SOWAHA: variants seen among roughly 807,000 people sequenced by gnomAD.
SOWAHA encodes the protein ankyrin repeat domain-containing protein SOWAHA.
SOWAHA carries 17 observed loss-of-function variants against 21.1 expected under a neutral mutation model. That is an observed-to-expected ratio of 0.80 (90% confidence interval 0.55 to 1.21). SOWAHA has a LOEUF of 1.21. SOWAHA is among the 50% of genes most tolerant of loss of function. The pLI, the probability that SOWAHA is intolerant of heterozygous loss-of-function variation, is 0.00. For synonymous variants in SOWAHA, 422 were observed against 397.1 expected (o/e 1.06, Z -0.75); for missense variants, 862 against 816.0 (o/e 1.06, Z -0.69).
Position 132,815,148 on chromosome 5 carries a change from G to T in SOWAHA, c.1527G>T (p.Ser509=). 6.2e-7 allele frequency: 1 copy of T among 1,613,992 alleles called. No homozygotes were observed. The highest frequency in any genetic ancestry group is 8.5e-7 in the Non-Finnish European group (1 of 1,180,032). ...CCTTCAGCAAGTTCTTGAGCGCCTC[G>T]CCCATGGCTCCACGTAAAAAGACAA... ...SSSFSKFLSA[S]PMAPRKKTKI... is the part of the protein sequence containing the mutation. The change falls in exon 1 of 1, where the codon TCG becomes TCT. Residue 509 remains serine, a synonymous_variant. Coordinates refer to ENST00000378693, the MANE Select transcript of SOWAHA (RefSeq NM_175873.6).
Position 132,813,562 on chromosome 5 carries a change from C to T in SOWAHA, c.-60C>T. The T allele has an allele frequency of 9.0e-7, 1 of 1,112,046 alleles. No homozygotes were observed. The highest frequency in any genetic ancestry group is 1.1e-6 in the Non-Finnish European group (1 of 902,060). 68.9% of individuals were successfully genotyped at this position (1,112,046 alleles called of 1,614,324 possible). A position where few individuals can be genotyped will look rare whatever the true frequency, so the allele number is the denominator to read the frequency against. On this transcript the variant is annotated 5_prime_UTR_variant, in exon 1 of 1. Coordinates refer to ENST00000378693, the MANE Select transcript of SOWAHA (RefSeq NM_175873.6). ...CGCGCCTCCCGGAACCCCGCTCCCG[C>T]GCGTCCCGCGGCGACGCGGCGCCCA... is the stretch of plus-strand genomic sequence containing the variant.
rs766524715 is a variant in SOWAHA at position 132,814,235 on chromosome 5, C to T, written c.614C>T (p.Pro205Leu). The change falls in exon 1 of 1, where the codon CCC (proline) becomes CTC (leucine). Residue 205 changes from proline (P) to leucine (L), a missense_variant. By Grantham distance (98) the Pro-to-Leu change is moderately conservative. Coordinates refer to ENST00000378693, the MANE Select transcript of SOWAHA (RefSeq NM_175873.6). ...GATCCGCCAGACGCGGAGCCCGGGCCCGGGGCAGCGAAAGGGCCGCCGCAG... is the reference window on the plus strand; with the variant it reads ...GATCCGCCAGACGCGGAGCCCGGGCTCGGGGCAGCGAAAGGGCCGCCGCAG... ...CSDPPDAEPG[P>L]GAAKGPPQQK... 6.5e-7 allele frequency: 1 copy of T among 1,545,818 alleles called. No individual in the cohort carries two copies. The highest frequency in any genetic ancestry group is 1.2e-5 in the South Asian group (1 of 85,108).
At position 132,813,558 on chromosome 5, in the gene SOWAHA, C is replaced by A; in HGVS notation, c.-64C>A. On this transcript the variant is annotated 5_prime_UTR_variant, in exon 1 of 1. Coordinates refer to ENST00000378693, the MANE Select transcript of SOWAHA (RefSeq NM_175873.6). ...CGGCCGCGCCTCCCGGAACCCCGCT[C>A]CCGCGCGTCCCGCGGCGACGCGGCG... 4 of 1,097,932 alleles carry A rather than the reference C, an allele frequency of 3.6e-6. No individual in the cohort carries two copies. The highest frequency in any genetic ancestry group is 4.8e-5 in the Admixed American group (1 of 20,682). 68.0% of individuals were successfully genotyped at this position (1,097,932 alleles called of 1,614,324 possible).
At position 132,813,600 on chromosome 5, in the gene SOWAHA, G is replaced by T; in HGVS notation, c.-22G>T. On this transcript the variant is annotated 5_prime_UTR_variant, in exon 1 of 1. Coordinates refer to ENST00000378693, the MANE Select transcript of SOWAHA (RefSeq NM_175873.6). ...GACGCGGCGCCCACCCGCCCCGGGA[G>T]CCAGGAACCCAGGGCCCCACCATGG... 8.1e-7 allele frequency: 1 copy of T among 1,229,816 alleles called. No homozygotes were observed. Among genetic ancestry groups the T allele is most frequent in the South Asian group, 3.6e-5 (1 of 27,748 alleles). 76.2% of individuals were successfully genotyped at this position (1,229,816 alleles called of 1,614,324 possible).
In SOWAHA at chr5:132,813,754, G is replaced by A. The variant is rs1013188144; in HGVS notation, c.133G>A (p.Ala45Thr). The A allele has an allele frequency of 6.5e-7, 1 of 1,547,410 alleles. No individual in the cohort carries two copies. Among genetic ancestry groups the A allele is most frequent in the Non-Finnish European group, 8.7e-7 (1 of 1,145,662 alleles). Residue 45 changes from alanine to threonine, a missense_variant, in exon 1 of 1, where the codon GCC becomes ACC. By Grantham distance (58) the Ala-to-Thr change is moderately conservative. Coordinates refer to ENST00000378693, the MANE Select transcript of SOWAHA (RefSeq NM_175873.6). ...GAGCCGCTTCAAGCCGCTGCTCGAT[G>A]CCGGCGACCCGCGGGGCCGCGCCGC... ...LLSRFKPLLD[A>T]GDPRGRAARR...
Position 132,813,750 on chromosome 5 carries a change from C to G in SOWAHA, c.129C>G (p.Leu43=), listed in dbSNP as rs1461762323. 11 of 1,547,354 alleles carry G rather than the reference C, an allele frequency of 7.1e-6. No homozygotes were observed. Among genetic ancestry groups the G allele is most frequent in the Non-Finnish European group, 8.7e-6 (10 of 1,145,622 alleles). Residue 43 remains leucine (L), a synonymous_variant, in exon 1 of 1, where the codon CTC becomes CTG. Transcript: ENST00000378693. ...TGCTGAGCCGCTTCAAGCCGCTGCT[C>G]GATGCCGGCGACCCGCGGGGCCGCG... ...SELLSRFKPL[L]DAGDPRGRAA...
In SOWAHA at chr5:132,815,963, A is replaced by C. The variant is rs1234567588; in HGVS notation, c.*692A>C. On this transcript the variant is annotated 3_prime_UTR_variant, in exon 1 of 1. Coordinates refer to ENST00000378693, the MANE Select transcript of SOWAHA (RefSeq NM_175873.6). ...TCTTGAACACAGAATAACGATTGTG[A>C]CCATTATGAATGTAACTAATTTCAG... 6.0e-6 allele frequency: 1 copy of C among 167,054 alleles called. No individual in the cohort carries two copies. Among genetic ancestry groups the C allele is most frequent in the Non-Finnish European group, 1.5e-5 (1 of 68,122 alleles). The allele number at this position is 167,054 out of a possible 1,614,324, so 10.3% of individuals were successfully genotyped here.
In SOWAHA at chr5:132,814,801, C is replaced by T. The variant is rs1489168275; in HGVS notation, c.1180C>T (p.Leu394=). The change falls in exon 1 of 1, where the codon CTG becomes TTG. Residue 394 remains leucine, a synonymous_variant. Coordinates refer to ENST00000378693, the MANE Select transcript of SOWAHA (RefSeq NM_175873.6). Reference sequence around the variant, plus strand: ...CTACACGCCGCTGCACCTGGCTGCACTGCACGGCCACGAGGACGCTGCCGT... The same window carrying T: ...CTACACGCCGCTGCACCTGGCTGCATTGCACGGCCACGAGGACGCTGCCGT... ...GGYTPLHLAA[L]HGHEDAAVLL... 1 of 1,527,786 alleles carries T rather than the reference C, an allele frequency of 6.5e-7. No homozygotes were observed. Among genetic ancestry groups the T allele is most frequent in the Non-Finnish European group, 8.8e-7 (1 of 1,140,550 alleles). 94.6% of individuals were successfully genotyped at this position (1,527,786 alleles called of 1,614,324 possible).
In SOWAHA at chr5:132,815,276, C is replaced by T. The variant is rs373394496; in HGVS notation, c.*5C>T. The T allele has an allele frequency of 1.7e-5, 28 of 1,601,884 alleles. No homozygotes were observed. The African/African-American group carries it at 3.5e-4, about 20-fold the overall frequency. On this transcript the variant is annotated 3_prime_UTR_variant, in exon 1 of 1. Transcript: ENST00000378693. The stretch of plus-strand genomic sequence containing the variant: ...AGTTTGCCTCCAACAACCTGAAGGT[C>T]CCTGGGGCTACCACCTGGTTGATCT...
rs1003273589 is a variant in SOWAHA at position 132,813,416 on chromosome 5, C to T, written c.-206C>T. On this transcript the variant is annotated 5_prime_UTR_variant, in exon 1 of 1. Coordinates refer to ENST00000378693, the MANE Select transcript of SOWAHA (RefSeq NM_175873.6). ...CGGCGGGGCGCTGGGGGTGGGCGCT[C>T]CCCGCGGCCCCCGGCGCCCTTCGCC... 6.6e-6 allele frequency among the ~76,000 whole-genome samples: 1 copy of T among 151,626 alleles called. No individual in the cohort carries two copies. Among genetic ancestry groups the T allele is most frequent in the Admixed American group, 6.6e-5 (1 of 15,246 alleles).
In SOWAHA at chr5:132,814,084, C is replaced by G; in HGVS notation, c.463C>G (p.Pro155Ala). ...PGGPASEPAQ[P>A]PGERSADPPL... Reference sequence around the variant, plus strand: ...GGGGCCGGCCTCCGAGCCCGCTCAGCCGCCCGGGGAGCGGTCCGCCGACCC... The same window carrying G: ...GGGGCCGGCCTCCGAGCCCGCTCAGGCGCCCGGGGAGCGGTCCGCCGACCC... Residue 155 changes from proline to alanine, a missense_variant, in exon 1 of 1, where the codon CCG becomes GCG. By Grantham distance (27) the Pro-to-Ala change is conservative. Transcript: ENST00000378693. The G allele has an allele frequency of 1.3e-6, 2 of 1,586,314 alleles. No homozygotes were observed. Among genetic ancestry groups the G allele is most frequent in the Admixed American group, 1.7e-5 (1 of 58,762 alleles).
chr5:132,814,145 A>C lies in SOWAHA; in HGVS notation c.524A>C (p.Glu175Ala), dbSNP rs768009972. Residue 175 changes from glutamate to alanine, a missense_variant, in exon 1 of 1, where the codon GAG (glutamate) becomes GCG (alanine). Coordinates refer to ENST00000378693, the MANE Select transcript of SOWAHA (RefSeq NM_175873.6). ...LPALELAQAT[E>A]RPSADAAPPP... The stretch of plus-strand genomic sequence containing the variant: ...GCCCTTGAGCTAGCCCAGGCCACCG[A>C]GAGACCCTCCGCAGACGCGGCCCCA... 1 of 1,599,466 alleles carries C rather than the reference A, an allele frequency of 6.3e-7. No individual in the cohort carries two copies. The highest frequency in any genetic ancestry group is 8.5e-7 in the Non-Finnish European group (1 of 1,178,866).
Position 132,813,705 on chromosome 5 carries a change from G to A in SOWAHA, c.84G>A (p.Gly28=), listed in dbSNP as rs771126134. Residue 28 remains glycine, a synonymous_variant, in exon 1 of 1, where the codon GGG becomes GGA. Transcript: ENST00000378693. ...TGGGCTTCCTGCAGGAGCACGGCGG[G>A]AAGGTGCGCAACTCCGAGCTGCTGA... ...AVLGFLQEHG[G]KVRNSELLSR... 1 of 1,538,216 alleles carries A rather than the reference G, an allele frequency of 6.5e-7. No homozygotes were observed. The highest frequency in any genetic ancestry group is 8.8e-7 in the Non-Finnish European group (1 of 1,142,378).
Position 132,814,847 on chromosome 5 carries a change from G to A in SOWAHA, c.1226G>A (p.Gly409Asp). 1 of 1,516,920 alleles carries A rather than the reference G, an allele frequency of 6.6e-7. No homozygotes were observed. The highest frequency in any genetic ancestry group is 8.9e-7 in the Non-Finnish European group (1 of 1,129,496). 94.0% of individuals were successfully genotyped at this position (1,516,920 alleles called of 1,614,324 possible). The change falls in exon 1 of 1, where the codon GGT (glycine) becomes GAT (aspartate). Residue 409 changes from glycine to aspartate, a missense_variant. Gly to Asp is a moderately conservative substitution (Grantham distance 94, BLOSUM62 -1). Transcript: ENST00000378693. ...GCCGTGCTGCTGGTGGTGCGTCTGG[G>A]TGCCCAGGTGCACGTGCGTGATCAC... is the stretch of plus-strand genomic sequence containing the variant. Reference protein sequence around the residue: ...DAAVLLVVRLGAQVHVRDHSG... With the variant: ...DAAVLLVVRLDAQVHVRDHSG...
rs1355571525 is a variant in SOWAHA, at chr5:132,814,527, G to A, written c.906G>A (p.Pro302=). The change falls in exon 1 of 1, where the codon CCG becomes CCA. Residue 302 remains proline (P), a synonymous_variant. Coordinates refer to ENST00000378693, the MANE Select transcript of SOWAHA (RefSeq NM_175873.6). The part of the protein sequence containing the change: ...DAEELPAAPP[P]SAVPLEPSEH... Reference sequence around the variant, plus strand: ...AGGAGTTGCCCGCCGCGCCGCCGCCGTCCGCGGTGCCCCTGGAGCCGTCCG... The same window carrying A: ...AGGAGTTGCCCGCCGCGCCGCCGCCATCCGCGGTGCCCCTGGAGCCGTCCG... The A allele has an allele frequency of 1.5e-5, 20 of 1,368,256 alleles. No individual in the cohort carries two copies. Among genetic ancestry groups the A allele is most frequent in the Non-Finnish European group, 1.8e-5 (19 of 1,072,320 alleles). The allele number at this position is 1,368,256 out of a possible 1,614,324, so 84.8% of individuals were successfully genotyped here. A position where few individuals can be genotyped will look rare whatever the true frequency, so the allele number is the denominator to read the frequency against.
chr5:132,814,445 C>T lies in SOWAHA; in HGVS notation c.824C>T (p.Ser275Phe). The change falls in exon 1 of 1, where the codon TCC (serine) becomes TTC (phenylalanine). Residue 275 changes from serine to phenylalanine, a missense_variant. By Grantham distance (155) the Ser-to-Phe change is radical. Transcript: ENST00000378693. Reference protein sequence around the residue: ...GLGLGLGPGRSPHLRRLSRAG... With the variant: ...GLGLGLGPGRFPHLRRLSRAG... ...GGCCTCGGCCTGGGCCCGGGCCGCT[C>T]CCCGCACCTGAGGCGCCTGTCGCGC... The T allele has an allele frequency of 1.4e-6, 2 of 1,463,684 alleles. No homozygotes were observed. Among genetic ancestry groups the T allele is most frequent in the Non-Finnish European group, 1.8e-6 (2 of 1,115,836 alleles). The allele number at this position is 1,463,684 out of a possible 1,614,324, so 90.7% of individuals were successfully genotyped here.
At position 132,813,691 on chromosome 5, in the gene SOWAHA, C is replaced by A; in HGVS notation, c.70C>A (p.Gln24Lys). 6.5e-7 allele frequency: 1 copy of A among 1,530,000 alleles called. No individual in the cohort carries two copies. Among genetic ancestry groups the A allele is most frequent in the Non-Finnish European group, 8.8e-7 (1 of 1,139,088 alleles). 94.8% of individuals were successfully genotyped at this position (1,530,000 alleles called of 1,614,324 possible). A position where few individuals can be genotyped will look rare whatever the true frequency, so the allele number is the denominator to read the frequency against. ...VSQAAVLGFL[Q>K]EHGGKVRNSE... ...CCAGGCGGCGGTGCTGGGCTTCCTG[C>A]AGGAGCACGGCGGGAAGGTGCGCAA... Residue 24 changes from glutamine (Q) to lysine (K), a missense_variant, in exon 1 of 1, where the codon CAG (glutamine) becomes AAG (lysine). By Grantham distance (53) the Gln-to-Lys change is moderately conservative. Transcript: ENST00000378693.
rs1758363292 is a variant in SOWAHA, at chr5:132,814,809, C to G, written c.1188C>G (p.Gly396=). 1 of 1,523,136 alleles carries G rather than the reference C, an allele frequency of 6.6e-7. No homozygotes were observed. The highest frequency in any genetic ancestry group is 1.2e-5 in the South Asian group (1 of 82,872). 94.4% of individuals were successfully genotyped at this position (1,523,136 alleles called of 1,614,324 possible). A position where few individuals can be genotyped will look rare whatever the true frequency, so the allele number is the denominator to read the frequency against. ...YTPLHLAALH[G]HEDAAVLLVV... The stretch of plus-strand genomic sequence containing the variant: ...CGCTGCACCTGGCTGCACTGCACGG[C>G]CACGAGGACGCTGCCGTGCTGCTGG... The change falls in exon 1 of 1, where the codon GGC becomes GGG. Residue 396 remains glycine, a synonymous_variant. Coordinates refer to ENST00000378693, the MANE Select transcript of SOWAHA (RefSeq NM_175873.6).
Position 132,815,174 on chromosome 5 carries a change from A to T in SOWAHA, c.1553A>T (p.Lys518Met). The change falls in exon 1 of 1, where the codon AAG becomes ATG. Residue 518 changes from lysine to methionine, a missense_variant. Transcript: ENST00000378693. ...CCCATGGCTCCACGTAAAAAGACAA[A>T]GATCCGCGGTGGTCTGCCAGCCTTC... ...ASPMAPRKKT[K>M]IRGGLPAFSE... is the part of the protein sequence containing the mutation. 6.2e-7 allele frequency: 1 copy of T among 1,614,050 alleles called. No individual in the cohort carries two copies. Among genetic ancestry groups the T allele is most frequent in the Non-Finnish European group, 8.5e-7 (1 of 1,180,038 alleles).
Sources: allele counts gnomAD v4.1 joint callset (sites outside exome capture counted in the v4.1 genomes callset), GRCh38; gene constraint gnomAD v4.1.1; transcripts MANE v1.5; gene names NCBI Gene and HGNC (gene_info 2026-07-23, HGNC 2026-07-21).